Variants in GDAP1 observed in about 807,000 individuals in gnomAD.
GDAP1 encodes ganglioside-induced differentiation-associated protein 1.
In GDAP1, 34 loss-of-function variants were observed where a neutral mutation model predicts 40.1. That is an observed-to-expected ratio of 0.85 (90% CI 0.64 to 1.13). The LOEUF (loss-of-function observed/expected upper bound fraction) is 1.13. GDAP1 is among the 50% of genes most tolerant of loss of function. The pLI, the probability that GDAP1 is intolerant of heterozygous loss-of-function variation, is 0.00. For synonymous variants in GDAP1, 170 were observed against 157.4 expected (o/e 1.08, Z -0.60); for missense variants, 374 against 433.7 (o/e 0.86, Z 1.22).
downstream of GDAP1, among the ~76,000 whole-genome samples, chr8:74,370,320 G>T (rs967815819): frequency 6.6e-6 from 1 of 152,224 alleles, no homozygotes; most frequent in African/African-American, 2.4e-5. Context: ...GTTGGAGGAA[G>T]TGGATGAATG....
In GDAP1 at chr8:74,401,418, A is replaced by C. The variant is rs559662898; in HGVS notation, c.165+50097A>C. On this transcript the variant is annotated intron_variant, in intron 2 of 2. Coordinates refer to the GDAP1 transcript ENST00000523640. ...TTCAGCTCCGTCAGCTCCTTTAAGC[A>C]CTTCTCTGTATTGGTTATTCTAGTT... is the stretch of plus-strand genomic sequence containing the variant. Among the ~76,000 whole-genome samples the C allele has an allele frequency of 8.3e-4, 124 of 149,760 alleles. 7 individuals are homozygous for C. The highest frequency in any genetic ancestry group is 3.1e-3 in the African/African-American group (121 of 39,180).
chr8:74,376,288 C>T (rs143262039), intron 2 of GDAP1, among the ~76,000 whole-genome samples: 1 of 151,032 alleles, frequency 6.6e-6, no homozygotes, highest in African/African-American at 2.4e-5. Context: ...TGTGAAAATG[C>T]GAAGGACATA....
rs139537650 is a variant in GDAP1 at position 74,482,941 on chromosome 8, C to T, written c.166-5737C>T. Reference sequence around the variant, plus strand: ...ACAGTGTAGGAGTTACAGACATGGGCTCTGGAGTCAGACTTCCTGGACTTG... The same window carrying T: ...ACAGTGTAGGAGTTACAGACATGGGTTCTGGAGTCAGACTTCCTGGACTTG... On this transcript the variant is annotated intron_variant, in intron 2 of 2. Transcript: ENST00000523640. Among the ~76,000 whole-genome samples, 756 of 152,256 alleles carry T rather than the reference C, an allele frequency of 5.0e-3. 6 individuals are homozygous for T. Among genetic ancestry groups the T allele is most frequent in the African/African-American group, 0.017 (705 of 41,544 alleles).
chr8:74,447,515 G>A (rs960753499), intron 2 of GDAP1, among the ~76,000 whole-genome samples: 2 of 152,068 alleles, frequency 1.3e-5, no homozygotes, highest in Non-Finnish European at 2.9e-5. Context: ...ACCTTACCTC[G>A]TGATGGCTTG....
intron 3 of GDAP1, among the ~76,000 whole-genome samples, chr8:74,360,602 C>T (rs942007808): frequency 1.3e-5 from 2 of 152,212 alleles, no homozygotes; most frequent in African/African-American, 4.8e-5. Context: ...AAGAATATAA[C>T]ATGTTCTCAT....
In GDAP1 at chr8:74,364,147, G is replaced by GA. The variant is rs1586807410; in HGVS notation, c.862dup (p.Thr288AsnfsTer3). ...ACCTATTACGAGCGTGTCTTGAAGA[G>GA]AAAAACATTTAACAAGGTTTTAGGA... is the stretch of plus-strand genomic sequence containing the variant. On this transcript the variant is annotated frameshift_variant, in exon 6 of 6. Coordinates refer to ENST00000220822, the MANE Select transcript of GDAP1 (RefSeq NM_018972.4). LOFTEE classifies it high-confidence loss of function. 1 of 1,614,118 alleles carries GA rather than the reference G, an allele frequency of 6.2e-7. No individual in the cohort carries two copies. Among genetic ancestry groups the GA allele is most frequent in the Non-Finnish European group, 8.5e-7 (1 of 1,179,996 alleles).
intron 2 of GDAP1, among the ~76,000 whole-genome samples, chr8:74,456,225 G>T (rs1204919716): frequency 6.6e-6 from 1 of 151,866 alleles, no homozygotes; most frequent in Non-Finnish European, 1.5e-5. Flanking sequence ...CTGTCACTGG[G>T]GGAGATTAGG....
intron 2 of GDAP1, among the ~76,000 whole-genome samples, chr8:74,422,317 CTT>C (rs1175474254): frequency 1.8e-5 from 1 of 55,506 alleles, no homozygotes; most frequent in African/African-American, 1.1e-4. Context: ...TTCTTTCTTT[CTT>C]TCTTTCTTTC....
At chr8:74,371,866 T>A (rs1809758925), downstream of GDAP1, among the ~76,000 whole-genome samples, 3 of 152,108 alleles carry the variant, frequency 2.0e-5, no homozygotes, top group African/African-American at 7.2e-5. Context: ...GTTGGTGTGC[T>A]GCACCCATTA....
At chr8:74,369,019 A>G (rs2131529791), downstream of GDAP1, among the ~76,000 whole-genome samples, 1 of 152,322 alleles carries the variant, frequency 6.6e-6, no homozygotes, top group South Asian at 2.1e-4. Flanking sequence ...TCTGCAAGGG[A>G]GACGTATTCT....
intron 2 of GDAP1, among the ~76,000 whole-genome samples, chr8:74,383,918 G>A (rs1191562793): frequency 6.6e-6 from 1 of 151,920 alleles, no homozygotes; most frequent in Non-Finnish European, 1.5e-5. Flanking sequence ...GGTGGTTGTA[G>A]GTATCTAAGA....
intron 2 of GDAP1, among the ~76,000 whole-genome samples, chr8:74,416,363 C>T (rs534018574): frequency 2.0e-5 from 3 of 150,258 alleles, no homozygotes; most frequent in African/African-American, 7.6e-5. Flanking sequence ...ATCTCTGCCA[C>T]CTCTTGGCTG....
At chr8:74,398,686 T>C (rs530113288) in intron 2 of GDAP1, among the ~76,000 whole-genome samples, 139 of 152,300 alleles carry the variant, frequency 9.1e-4, no homozygotes, top group Non-Finnish European at 1.6e-3. Flanking sequence ...GCTGTGGGTT[T>C]GTCATAGATA....
At chr8:74,379,895 A>C (rs532153853) in intron 2 of GDAP1, among the ~76,000 whole-genome samples, 1 of 152,310 alleles carries the variant, frequency 6.6e-6, no homozygotes, top group Non-Finnish European at 1.5e-5. Context: ...ATCTATATGC[A>C]TGCAGGGACC....
At chr8:74,448,518 AG>A (rs1229386587) in intron 2 of GDAP1, among the ~76,000 whole-genome samples, 1 of 152,104 alleles carries the variant, frequency 6.6e-6, no homozygotes, top group Non-Finnish European at 1.5e-5. Flanking sequence ...AATTTTGTAA[AG>A]TGTTTTACCA....
intron 2 of GDAP1, among the ~76,000 whole-genome samples, chr8:74,422,360 T>TTCTTTCTTTCTTTCTTC: frequency 3.2e-5 from 2 of 62,166 alleles, no homozygotes; most frequent in South Asian, 6.8e-4. Flanking sequence ...TTCCCTTCCT[T>TTCTTTCTTTCTTTCTTC]CCTTCCTTCC....
At position 74,409,843 on chromosome 8, in the gene GDAP1, G is replaced by A. The variant is rs369354836; in HGVS notation, c.165+58522G>A. Among the ~76,000 whole-genome samples the A allele has an allele frequency of 1.2e-3, 183 of 150,042 alleles. 2 individuals carry two copies. Among genetic ancestry groups the A allele is most frequent in the South Asian group, 2.3e-3 (11 of 4,820 alleles). On this transcript the variant is annotated intron_variant, in intron 2 of 2. Coordinates refer to the GDAP1 transcript ENST00000523640. ...TTCCCTAGTTCCTGTTTTCCTGCAT[G>A]TAGTTACATTTCCTCCCTGCTATAT...
At position 74,422,340 on chromosome 8, in the gene GDAP1, TCTTTCTTTCTTC is replaced by T. The variant is rs1178784700; in HGVS notation, c.166-66336_166-66325del. On this transcript the variant is annotated intron_variant, in intron 2 of 2. Transcript: ENST00000523640. ...TTCTTTCTTTCTTTCTTTCTTTCTT[TCTTTCTTTCTTC>T]CCTTCCTTCCTTCCTTCCTTCCTTC... Among the ~76,000 whole-genome samples, 361 of 55,858 alleles carry T rather than the reference TCTTTCTTTCTTC, an allele frequency of 6.5e-3. 7 individuals are homozygous for T. Among genetic ancestry groups the T allele is most frequent in the African/African-American group, 0.025 (302 of 12,110 alleles). 36.6% of individuals were successfully genotyped at this position (55,858 alleles called of 152,430 possible).
chr8:74,382,439 C>T (rs1809969285), intron 2 of GDAP1, among the ~76,000 whole-genome samples: 1 of 149,060 alleles, frequency 6.7e-6, no homozygotes, highest in South Asian at 2.1e-4. Context: ...TATTTACAAG[C>T]ATGAAGTCAT....
Sources: allele counts gnomAD v4.1 joint callset (sites outside exome capture counted in the v4.1 genomes callset), GRCh38; gene constraint gnomAD v4.1.1; transcripts MANE v1.5; gene names NCBI Gene and HGNC (gene_info 2026-07-23, HGNC 2026-07-21).